The following PCDHA9 variants were observed in gnomAD, a reference collection of about 807,000 sequenced individuals.
PCDHA9 encodes the protein protocadherin alpha 9.
A neutral mutation model predicts 62.0 loss-of-function variants in PCDHA9; 62 were observed. That is an observed-to-expected ratio of 1.00 (90% CI 0.81 to 1.23). PCDHA9 has a LOEUF of 1.23. Ranked by LOEUF, PCDHA9 falls within the 50% of genes most tolerant of loss-of-function variation. The pLI is 0.00. For missense variants in PCDHA9, 1,205 were observed against 1,249.8 expected (o/e 0.96, Z 0.54); for synonymous variants, 557 against 567.6 (o/e 0.98, Z 0.27).
intron 1 of PCDHA9, chr5:140,868,560 T>C (rs2050524245): frequency 1.3e-5 from 2 of 152,862 alleles, no homozygotes; most frequent in South Asian, 2.1e-4. Flanking sequence ...TATTTTTATA[T>C]GAGGAACAAC....
At chr5:140,948,866 G>A (rs552659179) in intron 1 of PCDHA9, among the ~76,000 whole-genome samples, 32 of 151,022 alleles carry the variant, frequency 2.1e-4, no homozygotes, top group Non-Finnish European at 2.5e-4. Context: ...ATATTACTTC[G>A]GGTTTACTTT....
chr5:140,871,278 G>T (rs782014542), intron 1 of PCDHA9: 3 of 1,613,918 alleles, frequency 1.9e-6, no homozygotes, highest in East Asian at 4.5e-5. Flanking sequence ...GGTCGGCAAC[G>T]CCCACTGAGG....
At chr5:140,965,951 T>C (rs1484541931) in intron 1 of PCDHA9, among the ~76,000 whole-genome samples, 3 of 152,172 alleles carry the variant, frequency 2.0e-5, no homozygotes, top group East Asian at 1.9e-4. Flanking sequence ...GCATTTGCCA[T>C]CCCCCTCCTT....
At chr5:140,879,844 C>A (rs1333807567) in intron 1 of PCDHA9, among the ~76,000 whole-genome samples, 1 of 152,194 alleles carries the variant, frequency 6.6e-6, no homozygotes, top group East Asian at 1.9e-4. Context: ...CTGTACCACT[C>A]CCATCTCAGC....
rs75040653 is a variant in PCDHA9 at position 140,982,339 on chromosome 5, T to G, written c.2454-136T>G. ...TGCAGGGTGACTGCTCAGCAGTAAT[T>G]GCTTCAGTTCAAGCATGAGCAGAAT... On this transcript the variant is annotated intron_variant, in intron 2 of 3. Transcript: ENST00000532602. The G allele has an allele frequency of 3.1e-3, 4,547 of 1,456,350 alleles. 58 individuals carry two copies. The East Asian group carries it at 0.042, about 14-fold the overall frequency. The allele number at this position is 1,456,350 out of a possible 1,614,324, so 90.2% of individuals were successfully genotyped here.
chr5:140,989,237 A>C (rs2097333860), intron 3 of PCDHA9, among the ~76,000 whole-genome samples: 1 of 152,172 alleles, frequency 6.6e-6, no homozygotes, highest in African/African-American at 2.4e-5. Flanking sequence ...CTGAAGTTTT[A>C]AGCCCCTTGT....
chr5:140,992,017 C>CTGTGTG (rs10602499), intron 3 of PCDHA9, among the ~76,000 whole-genome samples: 2,290 of 145,594 alleles, frequency 0.016, 56 homozygotes, highest in African/African-American at 0.05. Flanking sequence ...AGAGGTGGCT[C>CTGTGTG]TGTGTGTGTG....
chr5:140,908,307 C>T (rs782169692), intron 1 of PCDHA9, among the ~76,000 whole-genome samples: 43 of 152,180 alleles, frequency 2.8e-4, no homozygotes, highest in Non-Finnish European at 1.3e-4. Context: ...GAAGGAAGGG[C>T]GGCAGGAGTG....
intron 3 of PCDHA9, among the ~76,000 whole-genome samples, chr5:140,991,132 TAA>T (rs1345264253): frequency 2.0e-5 from 3 of 152,230 alleles, no homozygotes; most frequent in Non-Finnish European, 4.4e-5. Flanking sequence ...ACACAGCTAG[TAA>T]AAATGTTTTT....
At chr5:140,987,956 C>T (rs1270495363) in intron 3 of PCDHA9, among the ~76,000 whole-genome samples, 2 of 152,144 alleles carry the variant, frequency 1.3e-5, no homozygotes, top group African/African-American at 4.8e-5. Flanking sequence ...ACAAAACCAA[C>T]TCCCCATGGA....
intron 1 of PCDHA9, chr5:140,870,947 G>T: frequency 1.2e-6 from 2 of 1,613,700 alleles, no homozygotes; most frequent in Non-Finnish European, 1.7e-6. Context: ...CCGGCGGCGG[G>T]CGGCTCGCGC....
In PCDHA9 at chr5:140,968,743, C is replaced by G. The variant is rs112674082; in HGVS notation, c.2395-10206C>G. Reference sequence around the variant, plus strand: ...AGAGTGGTAGCACTTTCAACCTGACCGTGGTGGTCCGAGATAATGGAGAGC... The same window carrying G: ...AGAGTGGTAGCACTTTCAACCTGACGGTGGTGGTCCGAGATAATGGAGAGC... On this transcript the variant is annotated intron_variant, in intron 1 of 3. Transcript: ENST00000532602. 10 of 1,614,060 alleles carry G rather than the reference C, an allele frequency of 6.2e-6. No homozygotes were observed. The South Asian group carries it at 9.9e-5, about 16-fold the overall frequency.
In PCDHA9 at chr5:140,978,014, A is replaced by C. The variant is rs939579655; in HGVS notation, c.2395-935A>C. ...AGTGTCACAAGTTTTTCACAGTGAC[A>C]TTTTTGCTTACTGATACAAGACAGT... On this transcript the variant is annotated intron_variant, in intron 1 of 3. Transcript: ENST00000532602. Among the ~76,000 whole-genome samples, 9 of 152,256 alleles carry C rather than the reference A, an allele frequency of 5.9e-5. 1 individual carries two copies. The highest frequency in any genetic ancestry group is 2.2e-4 in the African/African-American group (9 of 41,540).
chr5:140,859,389 T>C (rs1554152298), intron 1 of PCDHA9: 1 of 268,430 alleles, frequency 3.7e-6, no homozygotes, highest in Non-Finnish European at 6.7e-6. Context: ...TCTCTAGTCA[T>C]CTTAAACAGG....
At chr5:140,895,691 T>C (rs571770501) in intron 1 of PCDHA9, among the ~76,000 whole-genome samples, 3 of 152,322 alleles carry the variant, frequency 2.0e-5, no homozygotes, top group South Asian at 4.1e-4. Flanking sequence ...TCTGTTTCTA[T>C]ATTAATTCAC....
rs1012749061 is a variant in PCDHA9 at position 141,011,525 on chromosome 5, C to T, written c.*1588C>T. Reference sequence around the variant, plus strand: ...AAAAGTGGAGTAGTGTTTTTTTAACCATTGTTAATCAGCTTTTGTGTATGA... The same window carrying T: ...AAAAGTGGAGTAGTGTTTTTTTAACTATTGTTAATCAGCTTTTGTGTATGA... On this transcript the variant is annotated 3_prime_UTR_variant, in exon 4 of 4. Coordinates refer to ENST00000532602, the MANE Select transcript of PCDHA9 (RefSeq NM_031857.2). 11 of 153,568 alleles carry T rather than the reference C, an allele frequency of 7.2e-5. No individual in the cohort carries two copies. The Admixed American group carries it at 7.2e-4, about 10-fold the overall frequency. 9.5% of individuals were successfully genotyped at this position (153,568 alleles called of 1,614,324 possible).
At chr5:140,966,937 C>A in intron 1 of PCDHA9, 1 of 1,604,032 alleles carries the variant, frequency 6.2e-7, no homozygotes. Context: ...CCGGCGCGCT[C>A]GTGGGCAACG....
chr5:140,862,857 T>A (rs782223560), intron 1 of PCDHA9: 4 of 517,166 alleles, frequency 7.7e-6, no homozygotes, highest in Non-Finnish European at 1.5e-5. Flanking sequence ...TGAGCAGCAA[T>A]GTGACGCTGC....
chr5:140,852,204 A>G lies in PCDHA9; in HGVS notation c.2394+1315A>G, dbSNP rs2150513408. On this transcript the variant is annotated intron_variant, in intron 1 of 3. Transcript: ENST00000532602. The stretch of plus-strand genomic sequence containing the variant: ...ATGAAAATGCCAGTAACGTTTATTT[A>G]AAACAAAATATTTTAATTTTTAAAT... The G allele has an allele frequency of 7.5e-6, 5 of 666,504 alleles. No homozygotes were observed. The African/African-American group carries it at 9.8e-5, about 13-fold the overall frequency. 41.3% of individuals were successfully genotyped at this position (666,504 alleles called of 1,614,324 possible).
Sources: gnomAD v4.1 joint callset for allele counts (sites outside exome capture counted in the v4.1 genomes callset) on GRCh38, gnomAD v4.1.1 for gene constraint, MANE v1.5 for transcripts, NCBI Gene and HGNC (gene_info 2026-07-23, HGNC 2026-07-21) for gene names.